The following LEPR variants were observed in gnomAD, a reference collection of about 807,000 sequenced individuals.
LEPR encodes the protein leptin receptor.
Under a neutral mutation model 114.7 loss-of-function variants are expected in LEPR, and 56 were observed. That is an observed-to-expected ratio of 0.49 (90% CI 0.39 to 0.61). LEPR has a LOEUF of 0.61. Among genes scored for constraint, LEPR ranks in the 20% least tolerant of loss-of-function variants. The pLI is 0.00. For synonymous variants in LEPR, 443 were observed against 461.4 expected (o/e 0.96, Z 0.51); for missense variants, 1,202 against 1,352.9 (o/e 0.89, Z 1.75).
intron 6 of LEPR, 118 bp from the exon 7 acceptor site, chr1:65,596,330 A>C: frequency 7.9e-7 from 1 of 1,258,370 alleles, no homozygotes; most frequent in Non-Finnish European, 1.1e-6. Context: ...GGATAAAGTC[A>C]CCTTTTAAGT....
intron 14 of LEPR, among the ~76,000 whole-genome samples, chr1:65,611,074 G>A (rs1657135838): frequency 6.6e-6 from 1 of 152,094 alleles, no homozygotes; most frequent in South Asian, 2.1e-4. Context: ...AATAATCAAT[G>A]CAATTTCTAA....
intron 2 of LEPR, among the ~76,000 whole-genome samples, chr1:65,478,018 C>G (rs546388455): frequency 3.9e-4 from 60 of 152,198 alleles, no homozygotes; most frequent in Non-Finnish European, 8.1e-4. Flanking sequence ...TCAAAACATG[C>G]AACCCACACT....
At chr1:65,505,754 C>CTTTTT (rs34274342) in intron 2 of LEPR, among the ~76,000 whole-genome samples, 1 of 145,238 alleles carries the variant, frequency 6.9e-6, no homozygotes, top group Non-Finnish European at 1.5e-5. Flanking sequence ...CTCACCATCC[C>CTTTTT]TTTTTTTTTT....
chr1:65,595,787 G>A (rs182981122), intron 6 of LEPR, among the ~76,000 whole-genome samples: 1 of 152,036 alleles, frequency 6.6e-6, no homozygotes, highest in East Asian at 1.9e-4. Context: ...CTATCACTTT[G>A]GCGATCTTTA....
Position 65,641,392 on chromosome 1 carries a change from G to GT in LEPR, c.*4378dup, listed in dbSNP as rs988067487. ...TGGTATTTTAATAAATGTTATAAAC[G>GT]TAAGTGCCAAGATATGCATCACTAA... On this transcript the variant is annotated 3_prime_UTR_variant, in exon 20 of 20. Transcript: ENST00000349533. The GT allele has an allele frequency of 3.3e-5, 5 of 152,086 alleles. No homozygotes were observed. The highest frequency in any genetic ancestry group is 7.2e-5 in the African/African-American group (3 of 41,428). 9.4% of individuals were successfully genotyped at this position (152,086 alleles called of 1,614,324 possible). A position where few individuals can be genotyped will look rare whatever the true frequency, so the allele number is the denominator to read the frequency against.
At chr1:65,599,933 A>T (rs1160480458) in intron 8 of LEPR, among the ~76,000 whole-genome samples, 1 of 152,074 alleles carries the variant, frequency 6.6e-6, no homozygotes, top group African/African-American at 2.4e-5. Context: ...TCAGGTTTTT[A>T]TTAACTTAGT....
At chr1:65,508,201 A>C (rs916642524) in intron 2 of LEPR, among the ~76,000 whole-genome samples, 1 of 152,098 alleles carries the variant, frequency 6.6e-6, no homozygotes, top group South Asian at 2.1e-4. Flanking sequence ...ACGCAATCCC[A>C]TCTGTCTATT....
chr1:65,526,199 T>C (rs916658161), intron 2 of LEPR: 1 of 985,092 alleles, frequency 1.0e-6, no homozygotes, highest in African/African-American at 1.8e-5. Context: ...CAGTAAACCC[T>C]GGGGTCCTGA....
chr1:65,423,413 G>T (rs1330384574), intron 1 of LEPR, among the ~76,000 whole-genome samples: 2 of 152,160 alleles, frequency 1.3e-5, no homozygotes, highest in African/African-American at 4.8e-5. Flanking sequence ...AAAGATGGTT[G>T]TGAACGTTGA....
intron 2 of LEPR, among the ~76,000 whole-genome samples, chr1:65,543,349 G>A (rs1339566621): frequency 6.6e-6 from 1 of 151,818 alleles, no homozygotes; most frequent in African/African-American, 2.4e-5. Flanking sequence ...GTTCTTTGTA[G>A]ATTCTGGATA....
At position 65,484,408 on chromosome 1, in the gene LEPR, A is replaced by C. The variant is rs144536931; in HGVS notation, c.-21+59030A>C. Among the ~76,000 whole-genome samples the C allele has an allele frequency of 4.0e-3, 611 of 152,166 alleles. 10 individuals are homozygous for C. Among genetic ancestry groups the C allele is most frequent in the South Asian group, 0.038 (183 of 4,822 alleles). ...TCCCACACTTTTTTTTTTAAAAAAGAGTTCGTTTATCACACACTTGTTTTT... is the reference window on the plus strand; with the variant it reads ...TCCCACACTTTTTTTTTTAAAAAAGCGTTCGTTTATCACACACTTGTTTTT... On this transcript the variant is annotated intron_variant, in intron 2 of 19. Coordinates refer to ENST00000349533, the MANE Select transcript of LEPR (RefSeq NM_002303.6).
chr1:65,544,701 G>A (rs949956808), intron 2 of LEPR, among the ~76,000 whole-genome samples: 1 of 67,588 alleles, frequency 1.5e-5, no homozygotes, highest in Non-Finnish European at 3.1e-5. Flanking sequence ...ACAATCATGC[G>A]GTTTTTTTTT....
At chr1:65,450,822 T>C (rs1646775037) in intron 2 of LEPR, among the ~76,000 whole-genome samples, 1 of 151,954 alleles carries the variant, frequency 6.6e-6, no homozygotes, top group South Asian at 2.1e-4. Flanking sequence ...AAATGATATT[T>C]CTAGTTCTAG....
At chr1:65,529,753 A>G (rs1163122501) in intron 2 of LEPR, among the ~76,000 whole-genome samples, 4 of 152,094 alleles carry the variant, frequency 2.6e-5, no homozygotes, top group Non-Finnish European at 5.9e-5. Context: ...ATTTTACTTC[A>G]CTACTGGTAG....
At chr1:65,424,154 G>A (rs1646310782) in intron 1 of LEPR, among the ~76,000 whole-genome samples, 1 of 151,154 alleles carries the variant, frequency 6.6e-6, no homozygotes, top group African/African-American at 2.5e-5. Flanking sequence ...TCACTCAGCA[G>A]CACAACAAGG....
intron 2 of LEPR, among the ~76,000 whole-genome samples, chr1:65,468,072 T>C (rs1274093856): frequency 6.6e-6 from 1 of 152,168 alleles, no homozygotes; most frequent in South Asian, 2.1e-4. Flanking sequence ...CCCAATGAGA[T>C]GAACCAGGTA....
chr1:65,533,333 T>A (rs924015897), intron 2 of LEPR, among the ~76,000 whole-genome samples: 1 of 152,176 alleles, frequency 6.6e-6, no homozygotes, highest in African/African-American at 2.4e-5. Flanking sequence ...ACAATTTTTT[T>A]AGAACTTGAC....
intron 2 of LEPR, among the ~76,000 whole-genome samples, chr1:65,517,778 T>G (rs1557635431): frequency 6.6e-6 from 1 of 152,248 alleles, no homozygotes; most frequent in Non-Finnish European, 1.5e-5. Flanking sequence ...AAAATATCTA[T>G]GATGAAGAGT....
intron 3 of LEPR, among the ~76,000 whole-genome samples, chr1:65,567,149 A>G (rs1653823845): frequency 1.3e-5 from 2 of 152,220 alleles, no homozygotes; most frequent in Admixed American, 1.3e-4. Context: ...TTTAGAGTTT[A>G]GGATTCATTT....
Sources: allele counts gnomAD v4.1 joint callset (sites outside exome capture counted in the v4.1 genomes callset), GRCh38; gene constraint gnomAD v4.1.1; transcripts MANE v1.5; gene names NCBI Gene and HGNC (gene_info 2026-07-23, HGNC 2026-07-21).